Variants in RSRC1 observed in about 807,000 individuals in gnomAD.
The protein encoded by RSRC1 is serine/Arginine-related protein 53.
RSRC1 carries 39 observed loss-of-function variants against 49.1 expected under a neutral mutation model. That is an observed-to-expected ratio of 0.79 (90% CI 0.61 to 1.04). RSRC1 has a LOEUF of 1.04. Ranked by LOEUF, RSRC1 falls within the 50% of genes least tolerant of loss-of-function variation. RSRC1 has a pLI of 0.00. For missense variants in RSRC1, 388 were observed against 402.4 expected (o/e 0.96, Z 0.31); for synonymous variants, 143 against 130.8 (o/e 1.09, Z -0.63).
chr3:158,351,295 C>A (rs1018116001), intron 5 of RSRC1, among the ~76,000 whole-genome samples: 1 of 152,156 alleles, frequency 6.6e-6, no homozygotes, highest in African/African-American at 2.4e-5. Flanking sequence ...GCCCAAGAAT[C>A]CTATATTCAT....
At chr3:158,438,169 G>C (rs1334484256) in intron 6 of RSRC1, among the ~76,000 whole-genome samples, 1 of 152,078 alleles carries the variant, frequency 6.6e-6, no homozygotes, top group Non-Finnish European at 1.5e-5. Flanking sequence ...AAATAAGAGA[G>C]GACACAAACC....
intron 7 of RSRC1, among the ~76,000 whole-genome samples, chr3:158,531,686 C>A (rs368998034): frequency 2.0e-5 from 3 of 151,854 alleles, no homozygotes. Context: ...GAAATTTGTT[C>A]TCGGTGATAT....
At position 158,492,857 on chromosome 3, in the gene RSRC1, C is replaced by T. The variant is rs1578541231; in HGVS notation, c.652+31854C>T. 2.0e-5 allele frequency among the ~76,000 whole-genome samples: 3 copies of T among 152,226 alleles called. No individual in the cohort carries two copies. In the Middle Eastern group the frequency reaches 0.01, roughly 518 times the overall value. On this transcript the variant is annotated intron_variant, in intron 7 of 9. Coordinates refer to ENST00000611884, the MANE Select transcript of RSRC1 (RefSeq NM_001271838.2). ...TATCCCCACCCTGCTCCCACTCCTC[C>T]CCCGCAACACACACAGACAACCTTT...
intron 3 of RSRC1, among the ~76,000 whole-genome samples, chr3:158,177,952 C>G (rs575131913): frequency 6.6e-6 from 1 of 152,072 alleles, no homozygotes; most frequent in East Asian, 1.9e-4. Flanking sequence ...AGAATTGACA[C>G]AAAATTTTCT....
In RSRC1 at chr3:158,429,744, C is replaced by T. The variant is rs906279222; in HGVS notation, c.584-31191C>T. Among the ~76,000 whole-genome samples the T allele has an allele frequency of 1.8e-4, 27 of 150,620 alleles. 1 individual carries two copies. The highest frequency in any genetic ancestry group is 3.2e-3 in the Middle Eastern group (1 of 310). On this transcript the variant is annotated intron_variant, in intron 6 of 9. Transcript: ENST00000611884. ...CAATCTGCCAATAACATGGATGAAACTTGAGGACATTATGCCAACTGAAAT... is the reference window on the plus strand; with the variant it reads ...CAATCTGCCAATAACATGGATGAAATTTGAGGACATTATGCCAACTGAAAT...
intron 4 of RSRC1, among the ~76,000 whole-genome samples, chr3:158,231,301 A>G (rs558298552): frequency 1.3e-5 from 2 of 151,530 alleles, no homozygotes; most frequent in African/African-American, 2.4e-5. Context: ...ACACCCGTCT[A>G]ATTTTTGTAT....
intron 3 of RSRC1, among the ~76,000 whole-genome samples, chr3:158,198,090 G>T (rs942995670): frequency 1.7e-4 from 26 of 152,064 alleles, no homozygotes; most frequent in African/African-American, 6.3e-4. Context: ...TGACAGTGGG[G>T]TGTTAAAGTC....
intron 6 of RSRC1, among the ~76,000 whole-genome samples, chr3:158,434,912 A>G (rs1735968283): frequency 6.6e-6 from 1 of 151,988 alleles, no homozygotes; most frequent in Admixed American, 6.6e-5. Context: ...ACCAAATGAA[A>G]GTACATTCTG....
At chr3:158,114,164 A>T (rs1714628896) in intron 1 of RSRC1, among the ~76,000 whole-genome samples, 1 of 152,062 alleles carries the variant, frequency 6.6e-6, no homozygotes, top group Non-Finnish European at 1.5e-5. Flanking sequence ...TCTTGAGTTA[A>T]TTTTTTGTGT....
intron 6 of RSRC1, among the ~76,000 whole-genome samples, chr3:158,386,091 G>A (rs115117701): frequency 0.019 from 2,890 of 151,958 alleles, 73 homozygotes; most frequent in African/African-American, 0.067. Flanking sequence ...ATTAGATTTA[G>A]GGATGATTAC....
At chr3:158,366,941 C>G (rs1235604034) in intron 6 of RSRC1, among the ~76,000 whole-genome samples, 4 of 152,116 alleles carry the variant, frequency 2.6e-5, no homozygotes, top group Admixed American at 1.3e-4. Context: ...TGATTTGACT[C>G]TCTGTCTGTT....
chr3:158,516,986 G>A (rs1740592210), intron 7 of RSRC1, among the ~76,000 whole-genome samples: 1 of 152,118 alleles, frequency 6.6e-6, no homozygotes, highest in Non-Finnish European at 1.5e-5. Context: ...ACTGACCTAT[G>A]CCCACTGTCT....
intron 3 of RSRC1, among the ~76,000 whole-genome samples, chr3:158,198,556 C>A (rs147760269): frequency 6.6e-6 from 1 of 152,050 alleles, no homozygotes; most frequent in African/African-American, 2.4e-5. Context: ...TTATTTTGCT[C>A]GTTAGTTGAT....
At chr3:158,118,462 T>TGTGTGTGTGTGTGCGCGCGCGCGC (rs1491469875) in intron 1 of RSRC1, among the ~76,000 whole-genome samples, 3 of 124,682 alleles carry the variant, frequency 2.4e-5, no homozygotes, top group African/African-American at 9.9e-5. Context: ...TGTGTGTGTG[T>TGTGTGTGTGTGTGCGCGCGCGCGC]GCGCGTGCGC....
At chr3:158,408,297 T>G (rs892022645) in intron 6 of RSRC1, among the ~76,000 whole-genome samples, 1 of 152,210 alleles carries the variant, frequency 6.6e-6, no homozygotes, top group Non-Finnish European at 1.5e-5. Flanking sequence ...ATATAGCAGT[T>G]GTACTTAGAA....
At chr3:158,257,882 G>A (rs772702140) in intron 4 of RSRC1, among the ~76,000 whole-genome samples, 6 of 152,112 alleles carry the variant, frequency 3.9e-5, no homozygotes, top group Admixed American at 1.3e-4. Flanking sequence ...ACTTAACATC[G>A]ATTGCATAAA....
intron 7 of RSRC1, among the ~76,000 whole-genome samples, chr3:158,516,875 A>G (rs1438341289): frequency 6.6e-6 from 1 of 152,010 alleles, no homozygotes; most frequent in Admixed American, 6.5e-5. Flanking sequence ...GCCGTCTGTC[A>G]CCCCTTTCTT....
rs184722440 is a variant in RSRC1 at position 158,246,196 on chromosome 3, A to G, written c.494+42951A>G. 3.4e-5 allele frequency among the ~76,000 whole-genome samples: 5 copies of G among 147,098 alleles called. No homozygotes were observed. In the East Asian group the frequency reaches 6.6e-4, roughly 19 times the overall value. ...CTCACTCATAGGTGGGAATTGAACA[A>G]TGAGAACACAGGGACACAGGAAGGG... On this transcript the variant is annotated intron_variant, in intron 4 of 9. Coordinates refer to ENST00000611884, the MANE Select transcript of RSRC1 (RefSeq NM_001271838.2).
At chr3:158,236,853 G>A (rs918728080) in intron 4 of RSRC1, among the ~76,000 whole-genome samples, 25 of 152,186 alleles carry the variant, frequency 1.6e-4, no homozygotes, top group African/African-American at 6.0e-4. Flanking sequence ...GAGATGTTAT[G>A]TATTGTTTCT....
Sources: gnomAD v4.1 joint callset for allele counts (sites outside exome capture counted in the v4.1 genomes callset) on GRCh38, gnomAD v4.1.1 for gene constraint, MANE v1.5 for transcripts, NCBI Gene and HGNC (gene_info 2026-07-23, HGNC 2026-07-21) for gene names.